The following CDH12 variants were observed in gnomAD, a reference collection of about 807,000 sequenced individuals.
The protein encoded by CDH12 is cadherin 12, also known as cadherin-12.
A neutral mutation model predicts 74.1 loss-of-function variants in CDH12; 41 were observed. The observed-to-expected ratio is 0.55, with a 90% confidence interval of 0.43 to 0.72. The LOEUF is 0.72. Among genes scored for constraint, CDH12 ranks in the 30% least tolerant of loss-of-function variants. The probability of loss-of-function intolerance (pLI) is 0.00; values close to 1 mark genes in which losing one functional copy is unlikely to be tolerated. For missense variants in CDH12, 945 were observed against 977.2 expected, an observed-to-expected ratio of 0.97 and a Z score of 0.44; for synonymous variants, 399 against 355.0, an observed-to-expected ratio of 1.12 and a Z score of -1.39.
Position 21,885,161 on chromosome 5 carries a change from A to G in CDH12, c.527-30371T>C, listed in dbSNP as rs535476930. On this transcript the variant is annotated intron_variant, in intron 6 of 14. Coordinates refer to ENST00000382254, the MANE Select transcript of CDH12 (RefSeq NM_004061.5). ...CTCAGCCTCCCAAAGTGCTGGGATT[A>G]CAGAGATGAGCCACCGCGCCCAGGC... Among the ~76,000 whole-genome samples, 12 of 152,098 alleles carry G rather than the reference A, an allele frequency of 7.9e-5. No homozygotes were observed. The South Asian group carries it at 2.3e-3, about 29-fold the overall frequency.
chr5:22,617,645 C>A (rs1456198198), intron 1 of CDH12, among the ~76,000 whole-genome samples: 2 of 152,088 alleles, frequency 1.3e-5, no homozygotes, highest in Non-Finnish European at 2.9e-5. Context: ...TTCCAGTTTT[C>A]AATTTCTTAA....
intron 4 of CDH12, among the ~76,000 whole-genome samples, chr5:22,106,297 C>G (rs1254361273): frequency 1.3e-5 from 2 of 152,062 alleles, no homozygotes; most frequent in African/African-American, 4.8e-5. Context: ...AACAAGATTT[C>G]TCTGTGTTTT....
chr5:22,521,906 A>G (rs1463790124), intron 1 of CDH12, among the ~76,000 whole-genome samples: 1 of 152,198 alleles, frequency 6.6e-6, no homozygotes, highest in African/African-American at 2.4e-5. Flanking sequence ...ACTCATTTTT[A>G]TGATGTCTAA....
chr5:21,914,880 T>C (rs1754018193), intron 6 of CDH12, among the ~76,000 whole-genome samples: 2 of 152,294 alleles, frequency 1.3e-5, no homozygotes, highest in South Asian at 2.1e-4. Flanking sequence ...CCAAGTTGGA[T>C]GTGTGGTTGA....
intron 5 of CDH12, among the ~76,000 whole-genome samples, chr5:22,075,675 G>C (rs940481020): frequency 2.0e-5 from 3 of 151,932 alleles, no homozygotes; most frequent in Non-Finnish European, 4.4e-5. Flanking sequence ...TATCAGTAAA[G>C]CTTTGGGTCA....
intron 4 of CDH12, among the ~76,000 whole-genome samples, chr5:22,111,512 A>G (rs1447719543): frequency 6.6e-6 from 1 of 152,176 alleles, no homozygotes; most frequent in African/African-American, 2.4e-5. Context: ...GCTCTTGGTT[A>G]CAAGTGAATT....
chr5:22,810,913 G>T (rs573012841), intron 1 of CDH12, among the ~76,000 whole-genome samples: 1 of 148,970 alleles, frequency 6.7e-6, no homozygotes, highest in South Asian at 2.1e-4. Flanking sequence ...ATATGTGTGT[G>T]TGTGTGTGTG....
At chr5:22,265,743 T>G (rs560460944) in intron 3 of CDH12, among the ~76,000 whole-genome samples, 1 of 152,168 alleles carries the variant, frequency 6.6e-6, no homozygotes, top group South Asian at 2.1e-4. Flanking sequence ...CTGAGCAATA[T>G]CCTCCACTCA....
chr5:21,832,928 CATA>C (rs1749145053), intron 8 of CDH12, among the ~76,000 whole-genome samples: 1 of 87,386 alleles, frequency 1.1e-5, no homozygotes, highest in African/African-American at 5.0e-5. Flanking sequence ...TAATATATAT[CATA>C]TATTATATAT....
intron 1 of CDH12, among the ~76,000 whole-genome samples, chr5:22,787,718 C>T (rs756012980): frequency 1.6e-4 from 24 of 152,094 alleles, no homozygotes; most frequent in Non-Finnish European, 3.1e-4. Flanking sequence ...TAGTAGCTCT[C>T]GCTACAAACA....
intron 1 of CDH12, among the ~76,000 whole-genome samples, chr5:22,682,332 G>C (rs1206804769): frequency 6.6e-6 from 1 of 152,050 alleles, no homozygotes; most frequent in Non-Finnish European, 1.5e-5. Flanking sequence ...GAAATGAATA[G>C]TGCTAGTAAA....
chr5:21,837,605 T>C (rs756420297), intron 8 of CDH12, among the ~76,000 whole-genome samples: 3 of 152,164 alleles, frequency 2.0e-5, no homozygotes, highest in Non-Finnish European at 4.4e-5. Context: ...CAGTTTGTAA[T>C]TCTATATCAC....
intron 1 of CDH12, among the ~76,000 whole-genome samples, chr5:22,754,724 A>G (rs1303703103): frequency 6.6e-6 from 1 of 152,168 alleles, no homozygotes; most frequent in Non-Finnish European, 1.5e-5. Context: ...AAGATTTTAG[A>G]TGTTGATTCT....
chr5:21,882,737 T>G (rs1452936357), intron 6 of CDH12: 3 of 1,605,976 alleles, frequency 1.9e-6, no homozygotes, highest in Middle Eastern at 1.7e-4. Context: ...TTTTAGCCGA[T>G]GCTGTGGCCG....
chr5:22,004,619 T>C (rs1365777864), intron 5 of CDH12, among the ~76,000 whole-genome samples: 2 of 152,218 alleles, frequency 1.3e-5, no homozygotes, highest in Admixed American at 6.5e-5. Flanking sequence ...GTTGCTGAAA[T>C]ATCAACCAAA....
At chr5:22,659,458 T>C (rs1301935944) in intron 1 of CDH12, among the ~76,000 whole-genome samples, 1 of 152,134 alleles carries the variant, frequency 6.6e-6, no homozygotes, top group African/African-American at 2.4e-5. Flanking sequence ...ATTTTTCCTG[T>C]TAGATTTGGT....
intron 1 of CDH12, among the ~76,000 whole-genome samples, chr5:22,737,423 A>G (rs1744787057): frequency 6.6e-6 from 1 of 152,040 alleles, no homozygotes; most frequent in Admixed American, 6.6e-5. Flanking sequence ...TTTCAGAAAC[A>G]CTTTTTTTAG....
Position 22,418,212 on chromosome 5 carries a change from T to C in CDH12, c.-427-12861A>G, listed in dbSNP as rs555098241. Among the ~76,000 whole-genome samples, 6 of 152,120 alleles carry C rather than the reference T, an allele frequency of 3.9e-5. No homozygotes were observed. In the East Asian group the frequency reaches 9.7e-4, roughly 25 times the overall value. ...TATTTTAGTCTCTTTGTAGCAATTGTGAATGGGAGTTCACTCACGATTTGG... is the reference window on the plus strand; with the variant it reads ...TATTTTAGTCTCTTTGTAGCAATTGCGAATGGGAGTTCACTCACGATTTGG... On this transcript the variant is annotated intron_variant, in intron 2 of 14. Coordinates refer to ENST00000382254, the MANE Select transcript of CDH12 (RefSeq NM_004061.5).
intron 3 of CDH12, among the ~76,000 whole-genome samples, chr5:22,347,512 G>A (rs1053782347): frequency 6.6e-6 from 1 of 152,082 alleles, no homozygotes; most frequent in African/African-American, 2.4e-5. Context: ...TGAGGTTTTG[G>A]GATGCCGCCT....
Sources: gnomAD v4.1 joint callset for allele counts (sites outside exome capture counted in the v4.1 genomes callset) on GRCh38, gnomAD v4.1.1 for gene constraint, MANE v1.5 for transcripts, NCBI Gene and HGNC (gene_info 2026-07-23, HGNC 2026-07-21) for gene names.